The following CSMD1 variants were observed in gnomAD, a reference collection of about 807,000 sequenced individuals.
CSMD1 encodes CUB and sushi domain-containing protein 1.
A neutral mutation model predicts 417.5 loss-of-function variants in CSMD1; 213 were observed. That is an observed-to-expected ratio of 0.51 (90% CI 0.46 to 0.57). The LOEUF (loss-of-function observed/expected upper bound fraction) is 0.57, where lower values mean the gene tolerates loss of function less well. Ranked by LOEUF, CSMD1 falls within the 20% of genes least tolerant of loss-of-function variation. The probability of loss-of-function intolerance (pLI) is 0.00; values close to 1 mark genes in which losing one functional copy is unlikely to be tolerated. For synonymous variants in CSMD1, 2,862 were observed against 1,736.8 expected (o/e 1.65, Z -16.11); for missense variants, 6,923 against 4,529.7 (o/e 1.53, Z -15.17).
intron 5 of CSMD1, among the ~76,000 whole-genome samples, chr8:3,822,837 T>A (rs1801815092): frequency 6.6e-6 from 1 of 152,064 alleles, no homozygotes; most frequent in South Asian, 2.1e-4. Context: ...AGTAGGCACA[T>A]AAAATGAGCT....
At chr8:4,597,401 A>T (rs2617093) in intron 2 of CSMD1, among the ~76,000 whole-genome samples, 141,862 of 152,212 alleles carry the variant, frequency 0.93, 66,180 homozygotes, top group East Asian at 0.97. Flanking sequence ...ACCAAGGTTA[A>T]ATATCCATCC....
chr8:4,328,238 TACA>T lies in CSMD1; in HGVS notation c.415+91712_415+91714del, dbSNP rs1181804397. Among the ~76,000 whole-genome samples, 230 of 134,102 alleles carry T rather than the reference TACA, an allele frequency of 1.7e-3. 1 individual carries two copies. Among genetic ancestry groups the T allele is most frequent in the African/African-American group, 6.5e-3 (220 of 34,024 alleles). The allele number at this position is 134,102 out of a possible 152,430, so 88.0% of individuals were successfully genotyped here. Reference sequence around the variant, plus strand: ...ACACACCCAATTACATTGCACTCAATACAATTTTTTTTTTTTTTTTTTTTTTTG... The same window carrying T: ...ACACACCCAATTACATTGCACTCAATATTTTTTTTTTTTTTTTTTTTTTTG... On this transcript the variant is annotated intron_variant, in intron 3 of 69. Transcript: ENST00000635120.
At chr8:4,779,659 T>C (rs1797048545) in intron 1 of CSMD1, among the ~76,000 whole-genome samples, 1 of 152,200 alleles carries the variant, frequency 6.6e-6, no homozygotes, top group Admixed American at 6.5e-5. Flanking sequence ...TTAGCATTTT[T>C]ATAAATAGTC....
At chr8:2,965,749 A>T (rs756060740) in intron 59 of CSMD1, 26 bp downstream of exon 59, 15 of 1,575,974 alleles carry the variant, frequency 9.5e-6, no homozygotes, top group African/African-American at 1.3e-5. Context: ...ACACATCTGT[A>T]AAATCCAAAG....
chr8:3,060,151 C>CTTTT lies in CSMD1; in HGVS notation c.7475-7508_7475-7505dup, dbSNP rs34354746. ...AGCCTGTCCTAAAAATTACTAACAA[C>CTTTT]TTTTTTTTTTTTTTTTCTGAGTCTC... On this transcript the variant is annotated intron_variant, in intron 49 of 69. Coordinates refer to ENST00000635120, the MANE Select transcript of CSMD1 (RefSeq NM_033225.6). Among the ~76,000 whole-genome samples the CTTTT allele has an allele frequency of 1.1e-3, 155 of 140,102 alleles. 2 individuals are homozygous for CTTTT. Among genetic ancestry groups the CTTTT allele is most frequent in the African/African-American group, 3.1e-3 (118 of 38,180 alleles). 91.9% of individuals were successfully genotyped at this position (140,102 alleles called of 152,430 possible). A position where few individuals can be genotyped will look rare whatever the true frequency, so the allele number is the denominator to read the frequency against.
intron 5 of CSMD1, among the ~76,000 whole-genome samples, chr8:3,831,613 T>G (rs924447949): frequency 4.6e-5 from 7 of 152,178 alleles, no homozygotes; most frequent in African/African-American, 1.7e-4. Context: ...ATTATAGCTT[T>G]TCATTGCACT....
chr8:4,739,346 A>C (rs1380200659), intron 1 of CSMD1, among the ~76,000 whole-genome samples: 2 of 152,192 alleles, frequency 1.3e-5, no homozygotes, highest in Non-Finnish European at 2.9e-5. Flanking sequence ...GAGGAATTTT[A>C]CCTTACTGTA....
At chr8:4,210,993 C>G (rs911578083) in intron 3 of CSMD1, among the ~76,000 whole-genome samples, 2 of 152,076 alleles carry the variant, frequency 1.3e-5, no homozygotes, top group African/African-American at 4.8e-5. Flanking sequence ...TTACTACAAA[C>G]AGAAAGAACC....
chr8:4,199,745 A>G (rs1397846674), intron 3 of CSMD1, among the ~76,000 whole-genome samples: 1 of 152,190 alleles, frequency 6.6e-6, no homozygotes, highest in African/African-American at 2.4e-5. Flanking sequence ...GATCCTCTTA[A>G]AATATTTTCA....
At chr8:3,590,559 C>A (rs536184037) in intron 8 of CSMD1, among the ~76,000 whole-genome samples, 13 of 152,300 alleles carry the variant, frequency 8.5e-5, no homozygotes, top group African/African-American at 2.9e-4. Flanking sequence ...ATATTCAGTA[C>A]ATTGAGAGTA....
intron 8 of CSMD1, among the ~76,000 whole-genome samples, chr8:3,590,283 A>G (rs554455215): frequency 6.6e-6 from 1 of 152,270 alleles, no homozygotes; most frequent in East Asian, 1.9e-4. Context: ...TCAAATGATT[A>G]TATTTTTTCC....
intron 3 of CSMD1, among the ~76,000 whole-genome samples, chr8:4,198,219 G>A (rs1238625679): frequency 6.6e-6 from 1 of 152,198 alleles, no homozygotes; most frequent in Admixed American, 6.5e-5. Context: ...AATACAAAGA[G>A]GTGCGGAGCA....
At chr8:3,949,993 C>G (rs980677874) in intron 5 of CSMD1, 3 of 455,794 alleles carry the variant, frequency 6.6e-6, no homozygotes, top group East Asian at 1.4e-4. Flanking sequence ...CATGAAATTA[C>G]CCACTACATT....
intron 3 of CSMD1, among the ~76,000 whole-genome samples, chr8:4,088,771 C>T (rs920327172): frequency 5.9e-5 from 9 of 152,120 alleles, no homozygotes; most frequent in African/African-American, 2.2e-4. Flanking sequence ...CCAACAGCCT[C>T]AGCTCCCACC....
chr8:4,961,358 C>G lies in CSMD1; in HGVS notation c.85+32974G>C, dbSNP rs79513240. Among the ~76,000 whole-genome samples the G allele has an allele frequency of 4.2e-3, 644 of 152,204 alleles. 7 individuals are homozygous for G. The highest frequency in any genetic ancestry group is 0.014 in the African/African-American group (583 of 41,526). ...CTTTTCAAACATTCTTTCAACCTGACCTGATTGCCCCTGAGGCATTCAGTA... is the reference window on the plus strand; with the variant it reads ...CTTTTCAAACATTCTTTCAACCTGAGCTGATTGCCCCTGAGGCATTCAGTA... On this transcript the variant is annotated intron_variant, in intron 1 of 69. Transcript: ENST00000635120.
intron 3 of CSMD1, among the ~76,000 whole-genome samples, chr8:4,245,439 G>C (rs1370008494): frequency 6.6e-6 from 1 of 152,106 alleles, no homozygotes; most frequent in Non-Finnish European, 1.5e-5. Context: ...AGGTTAGGTG[G>C]TGCTCAACAC....
At chr8:3,664,154 G>T (rs185105000) in intron 7 of CSMD1, among the ~76,000 whole-genome samples, 1 of 151,982 alleles carries the variant, frequency 6.6e-6, no homozygotes, top group African/African-American at 2.4e-5. Context: ...TTAACATTAG[G>T]TATTTCCCCT....
At chr8:4,602,915 A>C (rs1029963702) in intron 2 of CSMD1, among the ~76,000 whole-genome samples, 2 of 151,902 alleles carry the variant, frequency 1.3e-5, no homozygotes, top group African/African-American at 4.8e-5. Flanking sequence ...TCTAGGTTAA[A>C]ATAGATTATT....
At chr8:3,693,731 T>C (rs1190395697) in intron 7 of CSMD1, among the ~76,000 whole-genome samples, 4 of 152,076 alleles carry the variant, frequency 2.6e-5, no homozygotes, top group Admixed American at 1.3e-4. Flanking sequence ...GTGTGTGTTA[T>C]GCTTGTTATG....
Sources: gnomAD v4.1 joint callset for allele counts (sites outside exome capture counted in the v4.1 genomes callset) on GRCh38, gnomAD v4.1.1 for gene constraint, MANE v1.5 for transcripts, NCBI Gene and HGNC (gene_info 2026-07-23, HGNC 2026-07-21) for gene names.